Variants in AATK observed in about 807,000 individuals in gnomAD.
AATK encodes lemur tail kinase 1, also known as serine/threonine-protein kinase LMTK1.
A neutral mutation model predicts 114.3 loss-of-function variants in AATK; 91 were observed. The observed-to-expected ratio is 0.80, with a 90% CI of 0.67 to 0.95. AATK has a LOEUF of 0.95. AATK is among the 40% of genes least tolerant of loss of function. The pLI is 0.00. For missense variants in AATK, 2,176 were observed against 1,965.2 expected, an observed-to-expected ratio of 1.11 and a Z score of -2.03; for synonymous variants, 1,075 against 916.5, an observed-to-expected ratio of 1.17 and a Z score of -3.12.
chr17:81,165,627 A>C (rs772532733), intron 1 of AATK: 4 of 1,456,042 alleles, frequency 2.7e-6, no homozygotes, highest in East Asian at 2.9e-5. Flanking sequence ...CCTTAGTCTG[A>C]GACCAACTCT....
intron 1 of AATK, 79 bp from the exon 2 acceptor site, chr17:81,134,580 C>A: frequency 1.3e-6 from 2 of 1,521,224 alleles, no homozygotes; most frequent in African/African-American, 1.4e-5. Flanking sequence ...GCTCCACAGC[C>A]CCACCTGGAC....
At chr17:81,128,874 G>A (rs2060888468) in intron 3 of AATK, 2 of 1,170,904 alleles carry the variant, frequency 1.7e-6, no homozygotes, top group African/African-American at 1.6e-5. Context: ...GCTGCACCAG[G>A]CAGGCAGTGT....
At position 81,122,413 on chromosome 17, in the gene AATK, G is replaced by A; in HGVS notation, c.1523C>T (p.Pro508Leu). The A allele has an allele frequency of 2.7e-6, 4 of 1,463,806 alleles. No individual in the cohort carries two copies. The highest frequency in any genetic ancestry group is 4.9e-5 in the Admixed American group (2 of 41,218). 90.7% of individuals were successfully genotyped at this position (1,463,806 alleles called of 1,614,324 possible). ...AACCACGCCCGGGGGCGCGCCGTCG[G>A]GGGCGCACAGCTCCTGCAGGCGTGC... is the stretch of plus-strand genomic sequence containing the variant. ...RTARLQELCA[P>L]DGAPPGVVPV... Residue 508 changes from proline to leucine, a missense_variant, in exon 11 of 14, where the codon CCC becomes CTC. Physicochemically the swap from Pro to Leu is moderately conservative, Grantham distance 98 (BLOSUM62 -3). Coordinates refer to ENST00000326724, the MANE Select transcript of AATK (RefSeq NM_001080395.3).
At position 81,126,283 on chromosome 17, in the gene AATK, C is replaced by T. The variant is rs983481632; in HGVS notation, c.755+144G>A. 33 of 1,109,406 alleles carry T rather than the reference C, an allele frequency of 3.0e-5. No homozygotes were observed. Among genetic ancestry groups the T allele is most frequent in the Middle Eastern group, 3.0e-4 (1 of 3,282 alleles). 68.7% of individuals were successfully genotyped at this position (1,109,406 alleles called of 1,614,324 possible). A position where few individuals can be genotyped will look rare whatever the true frequency, so the allele number is the denominator to read the frequency against. ...TTTTCAAAAACGTCATAAAATCCCT[C>T]TGCATAGTGGTTGTCTGATGCTGCA... On this transcript the variant is annotated intron_variant, in intron 7 of 13. Transcript: ENST00000326724. The surrounding 1 kb of genome is among the most constrained non-coding windows in gnomAD (Gnocchi z 5.1).
chr17:81,120,128 G>A (rs1190444739), intron 11 of AATK, 45 bp from the exon 12 acceptor site: 1 of 1,480,554 alleles, frequency 6.8e-7, no homozygotes, highest in Non-Finnish European at 9.0e-7. Context: ...GCCAGGAGCC[G>A]CGGCCGCTCC....
intron 1 of AATK, among the ~76,000 whole-genome samples, chr17:81,165,166 C>A (rs1473912784): frequency 2.0e-5 from 3 of 152,218 alleles, no homozygotes; most frequent in African/African-American, 7.2e-5. Flanking sequence ...TCTGGAGAAG[C>A]AGAGGTTTTA....
In AATK at chr17:81,131,138, G is replaced by T. The variant is rs777398548; in HGVS notation, c.257C>A (p.Ala86Glu). Reference protein sequence around the residue: ...DLAQGSPATAAQNGPDVYVLP... With the variant: ...DLAQGSPATAEQNGPDVYVLP... ...GACGTACACGTCGGGCCCGTTCTGT[G>T]CTGCCGTGGCCGGGGAGCCCTGCGC... Residue 86 changes from alanine (A) to glutamate (E), a missense_variant, in exon 3 of 14, where the codon GCA becomes GAA. Ala to Glu is a moderately radical substitution (Grantham distance 107). Coordinates refer to ENST00000326724, the MANE Select transcript of AATK (RefSeq NM_001080395.3). 6.4e-7 allele frequency: 1 copy of T among 1,572,990 alleles called. No homozygotes were observed. The highest frequency in any genetic ancestry group is 1.2e-5 in the South Asian group (1 of 85,852).
At position 81,121,884 on chromosome 17, in the gene AATK, G is replaced by A. The variant is rs753655906; in HGVS notation, c.2052C>T (p.Ala684=). The A allele has an allele frequency of 2.5e-6, 4 of 1,600,012 alleles. No homozygotes were observed. In the African/African-American group the frequency reaches 4.0e-5, roughly 16 times the overall value. ...GACAGCGGCTGCCGCTGTTGTTGTT[G>A]GCTGACACGTTGGAGCGCCAGTGCC... is the stretch of plus-strand genomic sequence containing the variant. ...QRGHWRSNVS[A]NNNSGSRCPE... is the part of the protein sequence containing the mutation. The change falls in exon 11 of 14, where the codon GCC becomes GCT. Residue 684 remains alanine, a synonymous_variant. Transcript: ENST00000326724.
chr17:81,128,797 G>C, intron 3 of AATK: 1 of 1,297,972 alleles, frequency 7.7e-7, no homozygotes, highest in Non-Finnish European at 9.9e-7. Flanking sequence ...GTCTGGAGAA[G>C]GTGCCTGAAG....
At position 81,121,791 on chromosome 17, in the gene AATK, TG is replaced by T; in HGVS notation, c.2144del (p.Pro715HisfsTer130). 2 of 1,565,696 alleles carry T rather than the reference TG, an allele frequency of 1.3e-6. No homozygotes were observed. The highest frequency in any genetic ancestry group is 1.7e-6 in the Non-Finnish European group (2 of 1,159,822). Reference sequence around the variant, plus strand: ...GGTACCCCGGCTCGGGGGAGGCCCGTGGGGTCTGCTTTGGACTGGGGCAGCC... The same window carrying T: ...GGTACCCCGGCTCGGGGGAGGCCCGTGGGTCTGCTTTGGACTGGGGCAGCC... ...AEGCPSPKQTPRASPEPGYPG... is the reference protein window; with the variant it reads ...AEGCPSPKQTXRASPEPGYPG... On this transcript the variant is annotated frameshift_variant, in exon 11 of 14. Transcript: ENST00000326724. LOFTEE classifies it high-confidence loss of function.
In AATK at chr17:81,156,170, GTA is replaced by G. The variant is rs1475243401; in HGVS notation, c.55+9766_55+9767del. Among the ~76,000 whole-genome samples the G allele has an allele frequency of 4.6e-4, 4 of 8,788 alleles. No individual in the cohort carries two copies. In the East Asian group the frequency reaches 0.016, roughly 35 times the overall value. 5.8% of individuals were successfully genotyped at this position (8,788 alleles called of 152,430 possible). A position where few individuals can be genotyped will look rare whatever the true frequency, so the allele number is the denominator to read the frequency against. On this transcript the variant is annotated intron_variant, in intron 1 of 13. Coordinates refer to ENST00000326724, the MANE Select transcript of AATK (RefSeq NM_001080395.3). ...ACAATGTATGTTATCATGTTACAAT[GTA>G]TGTTACTGTTACAATGTATGTTATC...
At chr17:81,129,044 G>A (rs996326402) in intron 3 of AATK, 27 of 452,922 alleles carry the variant, frequency 6.0e-5, no homozygotes, top group Admixed American at 3.3e-4. Context: ...CATTCTCCCC[G>A]AGGGCCAGGC....
At chr17:81,152,087 C>T (rs1381737614) in intron 1 of AATK, among the ~76,000 whole-genome samples, 1 of 152,062 alleles carries the variant, frequency 6.6e-6, no homozygotes, top group African/African-American at 2.4e-5. Flanking sequence ...CCAGCCTGGC[C>T]AACATGGTGA....
At chr17:81,137,895 C>T (rs544577979) in intron 1 of AATK, among the ~76,000 whole-genome samples, 2 of 150,952 alleles carry the variant, frequency 1.3e-5, no homozygotes, top group African/African-American at 4.9e-5. Context: ...CATATACCCA[C>T]GTGCACATAC....
chr17:81,163,153 G>A (rs1371981713), intron 1 of AATK, among the ~76,000 whole-genome samples: 1 of 152,172 alleles, frequency 6.6e-6, no homozygotes, highest in East Asian at 1.9e-4. Context: ...GGCTGAGCGC[G>A]CCTCTCCAGA....
At position 81,122,343 on chromosome 17, in the gene AATK, G is replaced by T. The variant is rs1235020054; in HGVS notation, c.1593C>A (p.Phe531Leu). Reference protein sequence around the residue: ...AHSPSLGSEYFIRLEEAAPAA... With the variant: ...AHSPSLGSEYLIRLEEAAPAA... ...CGGGTGCGGCCTCCTCTAGGCGGAT[G>T]AAGTACTCGCTGCCCAGCGACGGGC... Residue 531 changes from phenylalanine to leucine, a missense_variant, in exon 11 of 14, where the codon TTC becomes TTA. Physicochemically the swap from Phe to Leu is conservative, Grantham distance 22. Coordinates refer to ENST00000326724, the MANE Select transcript of AATK (RefSeq NM_001080395.3). 1.3e-6 allele frequency: 2 copies of T among 1,511,928 alleles called. No individual in the cohort carries two copies. The highest frequency in any genetic ancestry group is 5.3e-5 in the East Asian group (2 of 37,964). 93.7% of individuals were successfully genotyped at this position (1,511,928 alleles called of 1,614,324 possible). A position where few individuals can be genotyped will look rare whatever the true frequency, so the allele number is the denominator to read the frequency against.
At chr17:81,152,651 C>T (rs1021917912) in intron 1 of AATK, among the ~76,000 whole-genome samples, 5 of 152,178 alleles carry the variant, frequency 3.3e-5, no homozygotes, top group African/African-American at 9.7e-5. Flanking sequence ...AGGTCAGCAA[C>T]CTCAGAAACA....
intron 13 of AATK, among the ~76,000 whole-genome samples, chr17:81,118,956 C>T (rs1028794449): frequency 3.3e-5 from 5 of 152,200 alleles, no homozygotes; most frequent in African/African-American, 1.2e-4. Flanking sequence ...TAGTGGAGGG[C>T]CATGGCCGGG....
At chr17:81,140,682 G>C (rs1379744843) in intron 1 of AATK, among the ~76,000 whole-genome samples, 10 of 126,504 alleles carry the variant, frequency 7.9e-5, no homozygotes, top group South Asian at 2.7e-4. Flanking sequence ...GGACCATGGG[G>C]CCGTGGGGCC....
Sources: gnomAD v4.1 joint callset for allele counts (sites outside exome capture counted in the v4.1 genomes callset) on GRCh38, gnomAD v4.1.1 for gene constraint, Gnocchi (gnomAD v3.1) non-coding constraint, MANE v1.5 for transcripts, NCBI Gene and HGNC (gene_info 2026-07-23, HGNC 2026-07-21) for gene names.